TAFA4: variants seen among roughly 807,000 people sequenced by gnomAD.
The protein encoded by TAFA4 is TAFA chemokine like family member 4.
A neutral mutation model predicts 21.1 loss-of-function variants in TAFA4; 20 were observed. The observed-to-expected ratio is 0.95, with a 90% CI of 0.67 to 1.38. The LOEUF is 1.38. Among genes scored for constraint, TAFA4 ranks in the 40% most tolerant of loss-of-function variants. The pLI is 0.00. For missense variants in TAFA4, 211 were observed against 180.9 expected, an observed-to-expected ratio of 1.17 and a Z score of -0.95; for synonymous variants, 71 against 67.4, an observed-to-expected ratio of 1.05 and a Z score of -0.26.
chr3:68,733,799 A>G (rs562369674), intron 5 of TAFA4, among the ~76,000 whole-genome samples: 1 of 152,284 alleles, frequency 6.6e-6, no homozygotes, highest in South Asian at 2.1e-4. Flanking sequence ...TTTCAAAGCA[A>G]ATTATTTGAT....
chr3:68,907,828 G>C (rs1287838853), intron 1 of TAFA4, among the ~76,000 whole-genome samples: 2 of 152,130 alleles, frequency 1.3e-5, no homozygotes, highest in Non-Finnish European at 2.9e-5. Context: ...CGAATAAAAA[G>C]GAATAAAAAT....
At chr3:68,776,931 A>G (rs745808159) in intron 3 of TAFA4, among the ~76,000 whole-genome samples, 2 of 152,080 alleles carry the variant, frequency 1.3e-5, no homozygotes, top group African/African-American at 2.4e-5. Context: ...ACAAATTATA[A>G]TATATTTTGG....
chr3:68,909,137 A>G lies in TAFA4; in HGVS notation c.-123+23103T>C, dbSNP rs796374486. 5.3e-5 allele frequency among the ~76,000 whole-genome samples: 8 copies of G among 152,332 alleles called. 1 individual carries two copies. The highest frequency in any genetic ancestry group is 3.9e-4 in the Admixed American group (6 of 15,302). On this transcript the variant is annotated intron_variant, in intron 1 of 5. Coordinates refer to ENST00000295569, the MANE Select transcript of TAFA4 (RefSeq NM_182522.5). ...GGGCTGCACAGCTCTAGACAACGCC[A>G]TATGCCAAATGGTGGAAGTAACTCA...
At chr3:68,845,156 G>A (rs1251254169) in intron 3 of TAFA4, among the ~76,000 whole-genome samples, 1 of 152,142 alleles carries the variant, frequency 6.6e-6, no homozygotes, top group Non-Finnish European at 1.5e-5. Context: ...AAGTCTCTTT[G>A]TAGGTCTCTA....
intron 3 of TAFA4, among the ~76,000 whole-genome samples, chr3:68,761,327 G>C (rs1702752292): frequency 1.3e-5 from 2 of 150,390 alleles, no homozygotes; most frequent in South Asian, 4.2e-4. Context: ...ATATAACACT[G>C]AAAAAAATGA....
chr3:68,762,210 A>AG (rs922778889), intron 3 of TAFA4, among the ~76,000 whole-genome samples: 47 of 152,160 alleles, frequency 3.1e-4, no homozygotes, highest in African/African-American at 1.0e-3. Context: ...AATTTAAAAA[A>AG]AAAAAAATGT....
intron 3 of TAFA4, among the ~76,000 whole-genome samples, chr3:68,772,722 G>A (rs1702981414): frequency 6.6e-6 from 1 of 152,146 alleles, no homozygotes; most frequent in African/African-American, 2.4e-5. Flanking sequence ...GAGGGGAGCT[G>A]GACTTGGACT....
At chr3:68,864,314 G>A (rs951641211) in intron 3 of TAFA4, among the ~76,000 whole-genome samples, 10 of 152,114 alleles carry the variant, frequency 6.6e-5, no homozygotes, top group African/African-American at 2.4e-4. Context: ...CTTCACCAAA[G>A]AAGATAGACA....
chr3:68,786,521 C>T (rs1024720796), intron 3 of TAFA4, among the ~76,000 whole-genome samples: 1 of 152,184 alleles, frequency 6.6e-6, no homozygotes, highest in African/African-American at 2.4e-5. Flanking sequence ...GCTATGGTTA[C>T]CTCTAATAGC....
chr3:68,816,763 TCA>T (rs1409689551), intron 3 of TAFA4, among the ~76,000 whole-genome samples: 2 of 152,200 alleles, frequency 1.3e-5, no homozygotes, highest in African/African-American at 2.4e-5. Context: ...AGAAAGCAAG[TCA>T]CACAGTTTTT....
At chr3:68,770,858 T>A (rs1364530347) in intron 3 of TAFA4, among the ~76,000 whole-genome samples, 1 of 152,172 alleles carries the variant, frequency 6.6e-6, no homozygotes, top group Non-Finnish European at 1.5e-5. Flanking sequence ...GACAGGCATT[T>A]CTGTTTTTGT....
chr3:68,767,428 C>T (rs1255928768), intron 3 of TAFA4, among the ~76,000 whole-genome samples: 1 of 151,876 alleles, frequency 6.6e-6, no homozygotes, highest in African/African-American at 2.4e-5. Context: ...GCATAAGCTA[C>T]AAACATTTAC....
chr3:68,797,992 A>G (rs541304283), intron 3 of TAFA4, among the ~76,000 whole-genome samples: 1 of 152,348 alleles, frequency 6.6e-6, no homozygotes, highest in African/African-American at 2.4e-5. Flanking sequence ...GTTTAATGAA[A>G]TAGGTGATGA....
chr3:68,926,504 G>A (rs999797389), intron 1 of TAFA4, among the ~76,000 whole-genome samples: 2 of 152,156 alleles, frequency 1.3e-5, no homozygotes, highest in African/African-American at 4.8e-5. Flanking sequence ...TGGGTTCCCC[G>A]ACAGAAATAA....
intron 3 of TAFA4, among the ~76,000 whole-genome samples, chr3:68,805,383 G>T (rs1196592092): frequency 6.6e-6 from 1 of 152,202 alleles, no homozygotes; most frequent in Non-Finnish European, 1.5e-5. Flanking sequence ...AACCATTGTG[G>T]AAGTCACTGT....
chr3:68,795,763 T>C (rs1473991956), intron 3 of TAFA4, among the ~76,000 whole-genome samples: 3 of 152,192 alleles, frequency 2.0e-5, no homozygotes, highest in Non-Finnish European at 4.4e-5. Flanking sequence ...GTGTTGGTGC[T>C]TGCGGATGTT....
intron 1 of TAFA4, among the ~76,000 whole-genome samples, chr3:68,904,013 A>G (rs1442454367): frequency 6.6e-6 from 1 of 152,016 alleles, no homozygotes; most frequent in Non-Finnish European, 1.5e-5. Context: ...TATAAGGCAT[A>G]CACCAGTCAC....
chr3:68,858,553 T>C (rs1418023416), intron 3 of TAFA4, among the ~76,000 whole-genome samples: 1 of 151,142 alleles, frequency 6.6e-6, no homozygotes, highest in Non-Finnish European at 1.5e-5. Flanking sequence ...CAGGTTAGCA[T>C]GTACTAGGTA....
intron 3 of TAFA4, among the ~76,000 whole-genome samples, chr3:68,808,992 T>TCA (rs1703769246): frequency 6.6e-6 from 1 of 152,180 alleles, no homozygotes; most frequent in Non-Finnish European, 1.5e-5. Flanking sequence ...GGTACACATG[T>TCA]CACTTCCACT....
Sources: gnomAD v4.1 joint callset for allele counts (sites outside exome capture counted in the v4.1 genomes callset) on GRCh38, gnomAD v4.1.1 for gene constraint, MANE v1.5 for transcripts, NCBI Gene and HGNC (gene_info 2026-07-23, HGNC 2026-07-21) for gene names.